Variants in AUTS2 observed in about 807,000 individuals in gnomAD.
AUTS2 encodes the protein activator of transcription and developmental regulator AUTS2.
Under a neutral mutation model 112.4 loss-of-function variants are expected in AUTS2, and 17 were observed. The ratio of observed to expected loss-of-function variants is 0.15; its 90% confidence interval spans 0.10 to 0.23. AUTS2 has a LOEUF of 0.23. AUTS2 is among the 10% of genes least tolerant of loss of function. The pLI is 1.00. For missense variants in AUTS2, 1,510 were observed against 1,701.6 expected, an observed-to-expected ratio of 0.89 and a Z score of 1.98; for synonymous variants, 751 against 702.7, an observed-to-expected ratio of 1.07 and a Z score of -1.09.
intron 4 of AUTS2, among the ~76,000 whole-genome samples, chr7:70,376,562 G>C (rs1487950212): frequency 6.6e-6 from 1 of 151,780 alleles, no homozygotes; most frequent in Non-Finnish European, 1.5e-5. Flanking sequence ...CCCTCTTACT[G>C]CTGCTTGCTT....
At chr7:70,650,119 C>T (rs1806418160) in intron 5 of AUTS2, among the ~76,000 whole-genome samples, 1 of 152,168 alleles carries the variant, frequency 6.6e-6, no homozygotes, top group African/African-American at 2.4e-5. Context: ...GACACTATTT[C>T]CTCAGGAAGC....
At chr7:70,169,440 A>T (rs1808556820) in intron 4 of AUTS2, among the ~76,000 whole-genome samples, 1 of 151,990 alleles carries the variant, frequency 6.6e-6, no homozygotes, top group African/African-American at 2.4e-5. Context: ...ACGGGGTTTC[A>T]CTGTGTTAGC....
intron 4 of AUTS2, among the ~76,000 whole-genome samples, chr7:70,154,542 A>C (rs1334380756): frequency 6.6e-6 from 1 of 151,996 alleles, no homozygotes; most frequent in Non-Finnish European, 1.5e-5. Flanking sequence ...GTTTTTTTTT[A>C]ATTCTTAACT....
intron 2 of AUTS2, among the ~76,000 whole-genome samples, chr7:70,070,611 A>G (rs556499857): frequency 1.3e-5 from 2 of 151,720 alleles, no homozygotes; most frequent in Admixed American, 1.3e-4. Context: ...TACGCCTATA[A>G]TCCCAGCACT....
chr7:69,655,565 T>C (rs142233127), intron 1 of AUTS2, among the ~76,000 whole-genome samples: 104 of 152,294 alleles, frequency 6.8e-4, no homozygotes, highest in African/African-American at 2.4e-3. Flanking sequence ...TTTTTACAAG[T>C]CCTCCAGGTG....
At chr7:69,759,308 G>C (rs1236218764) in intron 1 of AUTS2, among the ~76,000 whole-genome samples, 2 of 151,990 alleles carry the variant, frequency 1.3e-5, no homozygotes. Context: ...ATATCTTGGT[G>C]GTGGGACTTA....
intron 1 of AUTS2, among the ~76,000 whole-genome samples, chr7:69,680,074 T>C (rs1796724885): frequency 6.6e-6 from 1 of 152,262 alleles, no homozygotes; most frequent in Admixed American, 6.5e-5. Flanking sequence ...ATTGACTTTT[T>C]TTCCTGTTAC....
intron 4 of AUTS2, chr7:70,290,628 G>A (rs1788666703): frequency 7.1e-7 from 1 of 1,412,956 alleles, no homozygotes; most frequent in African/African-American, 1.5e-5. Context: ...TTCATTTGCA[G>A]TGTGTTTTAG....
chr7:70,137,738 C>G (rs761557363), intron 4 of AUTS2, among the ~76,000 whole-genome samples: 1 of 152,142 alleles, frequency 6.6e-6, no homozygotes, highest in Non-Finnish European at 1.5e-5. Flanking sequence ...GAATATCACT[C>G]TATACTACCA....
At chr7:69,687,054 TTCTA>T (rs1352611339) in intron 1 of AUTS2, among the ~76,000 whole-genome samples, 1 of 152,202 alleles carries the variant, frequency 6.6e-6, no homozygotes, top group African/African-American at 2.4e-5. Context: ...GTTGGGCTTA[TTCTA>T]TCTATGTCTT....
At chr7:69,805,577 G>A (rs1320772282) in intron 1 of AUTS2, among the ~76,000 whole-genome samples, 1 of 152,092 alleles carries the variant, frequency 6.6e-6, no homozygotes, top group African/African-American at 2.4e-5. Context: ...AAAAAGAATA[G>A]GAAAAAGACA....
chr7:69,790,246 GTA>G (rs1224221318), intron 1 of AUTS2, among the ~76,000 whole-genome samples: 2 of 152,274 alleles, frequency 1.3e-5, no homozygotes, highest in African/African-American at 4.8e-5. Flanking sequence ...AGCTTTGATT[GTA>G]CCACTGCACT....
intron 1 of AUTS2, among the ~76,000 whole-genome samples, chr7:69,721,563 A>G (rs1170789531): frequency 6.6e-6 from 1 of 152,222 alleles, no homozygotes; most frequent in African/African-American, 2.4e-5. Context: ...ATGGATTTTT[A>G]GGGTATCTCT....
intron 1 of AUTS2, among the ~76,000 whole-genome samples, chr7:69,850,999 GA>G (rs1792452058): frequency 6.6e-6 from 1 of 152,160 alleles, no homozygotes; most frequent in African/African-American, 2.4e-5. Context: ...TTAAATGTAT[GA>G]CCCATTTTAA....
chr7:70,062,170 A>G (rs1168139171), intron 2 of AUTS2, among the ~76,000 whole-genome samples: 1 of 151,684 alleles, frequency 6.6e-6, no homozygotes, highest in African/African-American at 2.4e-5. Context: ...AAATATTCTT[A>G]TTGTTGTTTT....
At chr7:70,286,747 G>T (rs1356074417) in intron 4 of AUTS2, among the ~76,000 whole-genome samples, 1 of 152,140 alleles carries the variant, frequency 6.6e-6, no homozygotes, top group Non-Finnish European at 1.5e-5. Context: ...AGTAGAATAG[G>T]TTATTTCCAA....
chr7:70,643,537 C>G (rs908765095), intron 5 of AUTS2, among the ~76,000 whole-genome samples: 4 of 152,232 alleles, frequency 2.6e-5, no homozygotes, highest in Non-Finnish European at 5.9e-5. Context: ...CGCCACTGCA[C>G]TCCAGTCTGG....
At chr7:70,119,344 T>C (rs1342749546) in intron 3 of AUTS2, 1 of 151,268 alleles carries the variant, frequency 6.6e-6, no homozygotes, top group Non-Finnish European at 1.5e-5. Flanking sequence ...GAAATTCTTT[T>C]GTGAAATGGA....
intron 1 of AUTS2, among the ~76,000 whole-genome samples, chr7:69,615,240 G>A (rs1204298815): frequency 1.3e-5 from 2 of 152,124 alleles, no homozygotes; most frequent in Admixed American, 1.3e-4. Context: ...GTCAGGGATG[G>A]GTGTCAGTTT....
Sources: allele counts gnomAD v4.1 joint callset (sites outside exome capture counted in the v4.1 genomes callset), GRCh38; gene constraint gnomAD v4.1.1; transcripts MANE v1.5; gene names NCBI Gene and HGNC (gene_info 2026-07-23, HGNC 2026-07-21).